The following MYRIP variants were observed in gnomAD, a reference collection of about 807,000 sequenced individuals.
The protein encoded by MYRIP is myosin VIIA and Rab interacting protein, also known as rab effector MyRIP.
Under a neutral mutation model 98.0 loss-of-function variants are expected in MYRIP, and 49 were observed. That is an observed-to-expected ratio of 0.50 (90% CI 0.40 to 0.63). The LOEUF (loss-of-function observed/expected upper bound fraction) is 0.63. MYRIP is among the 30% of genes least tolerant of loss of function. MYRIP has a pLI of 0.00. For missense variants in MYRIP, 1,004 were observed against 1,058.2 expected (o/e 0.95, Z 0.71); for synonymous variants, 404 against 409.5 (o/e 0.99, Z 0.16).
At chr3:39,973,483 G>A (rs1321938312) in intron 2 of MYRIP, among the ~76,000 whole-genome samples, 5 of 152,040 alleles carry the variant, frequency 3.3e-5, no homozygotes, top group Admixed American at 2.6e-4. Flanking sequence ...GTCAACATTA[G>A]ACAGATCAAC....
intron 1 of MYRIP, among the ~76,000 whole-genome samples, chr3:39,896,891 A>C (rs1212642019): frequency 6.6e-6 from 1 of 152,100 alleles, no homozygotes; most frequent in Non-Finnish European, 1.5e-5. Context: ...GGTTGTATTA[A>C]CCAGTACCTG....
chr3:40,092,746 A>C (rs1274860635), intron 3 of MYRIP, among the ~76,000 whole-genome samples: 3 of 152,226 alleles, frequency 2.0e-5, no homozygotes, highest in African/African-American at 7.2e-5. Context: ...TCACCCAGCA[A>C]ATAAGGCACT....
At chr3:40,095,020 A>T (rs12486257) in intron 3 of MYRIP, among the ~76,000 whole-genome samples, 1 of 151,858 alleles carries the variant, frequency 6.6e-6, no homozygotes, top group African/African-American at 2.4e-5. Flanking sequence ...TCTCCTCCTC[A>T]CCTAATTGCT....
At chr3:40,049,780 G>T (rs1433716478) in intron 3 of MYRIP, among the ~76,000 whole-genome samples, 1 of 152,158 alleles carries the variant, frequency 6.6e-6, no homozygotes, top group African/African-American at 2.4e-5. Context: ...CAAAGGAAAA[G>T]CTCTTGAAGG....
chr3:39,878,480 C>A (rs1943070630), intron 1 of MYRIP, among the ~76,000 whole-genome samples: 3 of 152,068 alleles, frequency 2.0e-5, no homozygotes, highest in Admixed American at 2.0e-4. Flanking sequence ...TCCTATTCGG[C>A]CATCTTAGGT....
intron 1 of MYRIP, among the ~76,000 whole-genome samples, chr3:39,862,194 C>T (rs1942493328): frequency 2.0e-5 from 3 of 152,188 alleles, no homozygotes; most frequent in African/African-American, 7.2e-5. Flanking sequence ...ATTTAGCATT[C>T]TTAAAAGAAA....
intron 2 of MYRIP, among the ~76,000 whole-genome samples, chr3:39,903,203 T>G (rs1468226410): frequency 6.6e-6 from 1 of 152,232 alleles, no homozygotes; most frequent in East Asian, 1.9e-4. Flanking sequence ...GCAAAACCAC[T>G]GAAATTGCCA....
intron 8 of MYRIP, among the ~76,000 whole-genome samples, chr3:40,170,320 G>A (rs191463422): frequency 2.0e-5 from 3 of 152,296 alleles, no homozygotes; most frequent in African/African-American, 4.8e-5. Flanking sequence ...ATTTTACACA[G>A]AGACCAATTT....
At chr3:39,839,634 T>A (rs1941735395) in intron 1 of MYRIP, among the ~76,000 whole-genome samples, 1 of 152,212 alleles carries the variant, frequency 6.6e-6, no homozygotes, top group South Asian at 2.1e-4. Flanking sequence ...TTTCGTGCTA[T>A]AAATTAAACA....
At chr3:40,053,173 G>T (rs1395417807) in intron 3 of MYRIP, among the ~76,000 whole-genome samples, 1 of 152,040 alleles carries the variant, frequency 6.6e-6, no homozygotes, top group South Asian at 2.1e-4. Context: ...GCCTAGTGTT[G>T]CCCTTCCCCC....
intron 3 of MYRIP, among the ~76,000 whole-genome samples, chr3:40,068,010 T>C (rs1948157422): frequency 6.6e-6 from 1 of 152,264 alleles, no homozygotes; most frequent in Admixed American, 6.5e-5. Flanking sequence ...TCTATCATGA[T>C]ATTGTATCAA....
rs1261203777 is a variant in MYRIP, at chr3:40,169,952, T to C, written c.732T>C (p.Ile244=). The C allele has an allele frequency of 6.2e-7, 1 of 1,614,120 alleles. No homozygotes were observed. The highest frequency in any genetic ancestry group is 1.7e-5 in the Admixed American group (1 of 60,020). The change falls in exon 8 of 17, where the codon ATT becomes ATC. Residue 244 remains isoleucine (I), a splice_region_variant and synonymous_variant. Transcript: ENST00000302541. ...CTTTTTTGTCCTCCCCTCCCCAGATTATACGAAAACAGAAGAGCAAAAGTG... is the reference window on the plus strand; with the variant it reads ...CTTTTTTGTCCTCCCCTCCCCAGATCATACGAAAACAGAAGAGCAAAAGTG... ...EELATTILQK[I]IRKQKSKSEQ... is the part of the protein sequence containing the mutation.
At chr3:40,007,322 T>G (rs551200031) in intron 2 of MYRIP, among the ~76,000 whole-genome samples, 1 of 145,310 alleles carries the variant, frequency 6.9e-6, no homozygotes, top group Admixed American at 7.2e-5. Context: ...CCTCTGACTT[T>G]GCATTAGTTT....
At chr3:39,921,302 TG>T (rs1348192987) in intron 2 of MYRIP, among the ~76,000 whole-genome samples, 4 of 152,236 alleles carry the variant, frequency 2.6e-5, no homozygotes, top group Non-Finnish European at 4.4e-5. Flanking sequence ...GAACTCTTCC[TG>T]TTTCCACAAT....
intron 3 of MYRIP, among the ~76,000 whole-genome samples, chr3:40,080,133 T>C (rs551393100): frequency 1.3e-5 from 2 of 152,218 alleles, no homozygotes; most frequent in Non-Finnish European, 2.9e-5. Flanking sequence ...TAAAAGCTCC[T>C]TTCCAGAATC....
intron 2 of MYRIP, among the ~76,000 whole-genome samples, chr3:39,908,612 G>A (rs1269346535): frequency 6.6e-6 from 1 of 152,046 alleles, no homozygotes; most frequent in Non-Finnish European, 1.5e-5. Context: ...GAAAGAACAT[G>A]GTACTTTAAT....
chr3:40,190,455 A>C lies in MYRIP; in HGVS notation c.1657A>C (p.Thr553Pro). 1 of 1,589,242 alleles carries C rather than the reference A, an allele frequency of 6.3e-7. No homozygotes were observed. Among genetic ancestry groups the C allele is most frequent in the Non-Finnish European group, 8.6e-7 (1 of 1,167,888 alleles). The change falls in exon 10 of 17, where the codon ACA becomes CCA. Residue 553 changes from threonine to proline, a missense_variant. Thr to Pro is a conservative substitution (Grantham distance 38). Transcript: ENST00000302541. ...CAGCGCCCAGCTCCGGGATCTAGAC[A>C]CACATCAGGTAATGGAAGTGCATGC... ...SPSAQLRDLDTHQVSDDLSET... is the reference protein window; with the variant it reads ...SPSAQLRDLDPHQVSDDLSET...
intron 2 of MYRIP, among the ~76,000 whole-genome samples, chr3:39,958,723 G>A (rs961226585): frequency 8.0e-5 from 12 of 149,858 alleles, no homozygotes; most frequent in African/African-American, 1.2e-4. Context: ...AAAAGAAACT[G>A]CCATCAGAGT....
At chr3:39,980,698 G>A (rs1053218048) in intron 2 of MYRIP, among the ~76,000 whole-genome samples, 3 of 152,064 alleles carry the variant, frequency 2.0e-5, no homozygotes, top group Admixed American at 1.3e-4. Context: ...TGTCCTGGCT[G>A]GATTTTCAGT....
Sources: gnomAD v4.1 joint callset for allele counts (sites outside exome capture counted in the v4.1 genomes callset) on GRCh38, gnomAD v4.1.1 for gene constraint, MANE v1.5 for transcripts, NCBI Gene and HGNC (gene_info 2026-07-23, HGNC 2026-07-21) for gene names.